The following TMC1 variants were observed in gnomAD, a reference collection of about 807,000 sequenced individuals.
The protein encoded by TMC1 is transmembrane channel-like protein 1.
A neutral mutation model predicts 105.8 loss-of-function variants in TMC1; 84 were observed. The ratio of observed to expected loss-of-function variants is 0.79; its 90% confidence interval spans 0.67 to 0.95. The LOEUF (loss-of-function observed/expected upper bound fraction) is 0.95, where lower values mean the gene tolerates loss of function less well. TMC1 is among the 40% of genes least tolerant of loss of function. The pLI, the probability that TMC1 is intolerant of heterozygous loss-of-function variation, is 0.00. For missense variants in TMC1, 817 were observed against 914.1 expected (o/e 0.89, Z 1.37); for synonymous variants, 315 against 311.5 (o/e 1.01, Z -0.12).
chr9:72,803,999 T>C (rs891905050), intron 17 of TMC1, among the ~76,000 whole-genome samples: 2 of 152,186 alleles, frequency 1.3e-5, no homozygotes, highest in Non-Finnish European at 2.9e-5. Context: ...CTATCAATGA[T>C]AGACTGGATA....
At chr9:72,725,522 G>A (rs557936634) in intron 8 of TMC1, among the ~76,000 whole-genome samples, 6 of 151,384 alleles carry the variant, frequency 4.0e-5, no homozygotes, top group Admixed American at 2.6e-4. Flanking sequence ...TCCGATATTC[G>A]AGGGCATGAA....
intron 2 of TMC1, among the ~76,000 whole-genome samples, chr9:72,597,009 G>A (rs971758415): frequency 2.6e-5 from 4 of 152,098 alleles, no homozygotes; most frequent in Admixed American, 1.3e-4. Flanking sequence ...AAATATTTGC[G>A]GATTTGAATT....
chr9:72,565,056 T>A (rs1824123161), intron 1 of TMC1, among the ~76,000 whole-genome samples: 1 of 152,170 alleles, frequency 6.6e-6, no homozygotes, highest in African/African-American at 2.4e-5. Context: ...ATGAGGAAAC[T>A]AAGACTTAGG....
At position 72,836,647 on chromosome 9, in the gene TMC1, C is replaced by T. The variant is rs1207912003; in HGVS notation, c.*674C>T. The T allele has an allele frequency of 6.6e-6, 1 of 151,802 alleles. No individual in the cohort carries two copies. Among genetic ancestry groups the T allele is most frequent in the Non-Finnish European group, 1.5e-5 (1 of 68,086 alleles). The allele number at this position is 151,802 out of a possible 1,614,324, so 9.4% of individuals were successfully genotyped here. A position where few individuals can be genotyped will look rare whatever the true frequency, so the allele number is the denominator to read the frequency against. On this transcript the variant is annotated 3_prime_UTR_variant, in exon 24 of 24. Coordinates refer to ENST00000297784, the MANE Select transcript of TMC1 (RefSeq NM_138691.3). ...AGTTGAAGATCTTGAAGATCTCTTA[C>T]TTTGAGAAGGTACATGAGTCTTACA...
chr9:72,750,907 G>A (rs943783035), intron 10 of TMC1, among the ~76,000 whole-genome samples: 1 of 152,108 alleles, frequency 6.6e-6, no homozygotes, highest in Admixed American at 6.6e-5. Flanking sequence ...TAGGATCTTT[G>A]TTCTGGCTTT....
intron 1 of TMC1, among the ~76,000 whole-genome samples, chr9:72,552,928 C>T (rs748003160): frequency 3.9e-5 from 6 of 152,034 alleles, no homozygotes; most frequent in Non-Finnish European, 8.8e-5. Context: ...TATATACACA[C>T]GATTCTCAGA....
chr9:72,726,474 C>T (rs112326272), intron 8 of TMC1, among the ~76,000 whole-genome samples: 208 of 152,258 alleles, frequency 1.4e-3, no homozygotes, highest in African/African-American at 4.7e-3. Context: ...AAAATATTAA[C>T]ACAACTTAAT....
At chr9:72,540,232 C>G (rs976152652) in intron 1 of TMC1, among the ~76,000 whole-genome samples, 1 of 152,088 alleles carries the variant, frequency 6.6e-6, no homozygotes, top group Admixed American at 6.5e-5. Flanking sequence ...AAGTACAGCA[C>G]CTTGTTTCTT....
At chr9:72,606,720 A>G (rs913884592) in intron 2 of TMC1, among the ~76,000 whole-genome samples, 1 of 152,136 alleles carries the variant, frequency 6.6e-6, no homozygotes, top group African/African-American at 2.4e-5. Context: ...TTAGTGACCA[A>G]TGGTCTATTG....
intron 19 of TMC1, among the ~76,000 whole-genome samples, chr9:72,818,324 A>G (rs1828820433): frequency 6.6e-6 from 1 of 152,208 alleles, no homozygotes; most frequent in Admixed American, 6.5e-5. Context: ...ACATTTATAG[A>G]TAAAATCCAT....
intron 5 of TMC1, among the ~76,000 whole-genome samples, chr9:72,650,983 C>T (rs1489055235): frequency 1.4e-5 from 2 of 144,746 alleles, no homozygotes; most frequent in African/African-American, 5.1e-5. Flanking sequence ...GATATGTCCT[C>T]TAGCTCCATC....
chr9:72,619,254 T>G (rs1825198388), intron 3 of TMC1, among the ~76,000 whole-genome samples: 1 of 152,202 alleles, frequency 6.6e-6, no homozygotes, highest in African/African-American at 2.4e-5. Context: ...TTTAATCATA[T>G]CGTAGATACT....
chr9:72,703,924 G>A (rs1272764247), intron 8 of TMC1, among the ~76,000 whole-genome samples: 2 of 152,294 alleles, frequency 1.3e-5, no homozygotes, highest in Non-Finnish European at 2.9e-5. Context: ...GAAGTTGTTG[G>A]TACTTAAGTG....
chr9:72,814,896 T>TTTTG (rs1554729971), intron 18 of TMC1, among the ~76,000 whole-genome samples: 5 of 119,234 alleles, frequency 4.2e-5, no homozygotes, highest in Middle Eastern at 4.4e-3. Context: ...TGGATCATCT[T>TTTTG]TGTGTGTGTG....
chr9:72,684,143 C>T (rs1051091768), intron 5 of TMC1, among the ~76,000 whole-genome samples: 4 of 152,060 alleles, frequency 2.6e-5, no homozygotes, highest in African/African-American at 9.7e-5. Flanking sequence ...ATAGGTGGTT[C>T]ATTTCATAGC....
chr9:72,825,600 C>G (rs1397770009), intron 20 of TMC1, among the ~76,000 whole-genome samples: 2 of 152,164 alleles, frequency 1.3e-5, no homozygotes, highest in Admixed American at 1.3e-4. Context: ...CCCACTCTAA[C>G]TACGTTCATC....
In TMC1 at chr9:72,524,907, T is replaced by C. The variant is rs145072786; in HGVS notation, c.-428+2994T>C. On this transcript the variant is annotated intron_variant, in intron 1 of 23. Transcript: ENST00000297784. Reference sequence around the variant, plus strand: ...CTATGTGGTGGTGGACACGAGGATATACTAATTAGCGTCGTTACCGGAAAA... The same window carrying C: ...CTATGTGGTGGTGGACACGAGGATACACTAATTAGCGTCGTTACCGGAAAA... Among the ~76,000 whole-genome samples the C allele has an allele frequency of 2.6e-5, 4 of 152,292 alleles. No homozygotes were observed. In the East Asian group the frequency reaches 7.7e-4, roughly 29 times the overall value.
Position 72,592,727 on chromosome 9 carries a change from A to G in TMC1, c.-306+14704A>G, listed in dbSNP as rs149261173. Among the ~76,000 whole-genome samples, 14 of 152,326 alleles carry G rather than the reference A, an allele frequency of 9.2e-5. 1 individual carries two copies. The East Asian group carries it at 2.7e-3, about 29-fold the overall frequency. On this transcript the variant is annotated intron_variant, in intron 2 of 23. Coordinates refer to ENST00000297784, the MANE Select transcript of TMC1 (RefSeq NM_138691.3). ...TGACTGGAGAACATCCCTAGGTATC[A>G]GATGCTCAATGTCTTACACTTATGG...
rs191311165 is a variant in TMC1 at position 72,660,763 on chromosome 9, T to A, written c.16+12099T>A. On this transcript the variant is annotated intron_variant, in intron 5 of 23. Coordinates refer to ENST00000297784, the MANE Select transcript of TMC1 (RefSeq NM_138691.3). ...AATTACGAAGTATCCCAAGTTTGTA[T>A]CCTCCTGTGGCTTCCCCGTATTACA... is the stretch of plus-strand genomic sequence containing the variant. 3.9e-5 allele frequency among the ~76,000 whole-genome samples: 6 copies of A among 152,302 alleles called. No homozygotes were observed. In the East Asian group the frequency reaches 1.2e-3, roughly 29 times the overall value.
Sources: gnomAD v4.1 joint callset for allele counts (sites outside exome capture counted in the v4.1 genomes callset) on GRCh38, gnomAD v4.1.1 for gene constraint, MANE v1.5 for transcripts, NCBI Gene and HGNC (gene_info 2026-07-23, HGNC 2026-07-21) for gene names.